DRC9: variants seen among roughly 807,000 people sequenced by gnomAD.
The protein encoded by DRC9 is dynein regulatory complex subunit 9, also known as dynein regulatory complex protein 9.
chr3:197,931,203 C>T, the DRC9 span, among the ~76,000 whole-genome samples: 40 of 151,334 alleles, frequency 2.6e-4, no homozygotes, highest in East Asian at 2.0e-3. Context: ...AGTTCCAGGC[C>T]GAGCGCGGTG....
the DRC9 span, among the ~76,000 whole-genome samples, chr3:197,915,010 G>A: frequency 4.6e-5 from 7 of 151,318 alleles, no homozygotes; most frequent in Admixed American, 4.0e-4. Context: ...CTAAAAATAC[G>A]AAAAATAGCT....
At chr3:197,924,036 T>G in the DRC9 span, among the ~76,000 whole-genome samples, 1 of 151,562 alleles carries the variant, frequency 6.6e-6, no homozygotes. Context: ...CCAGCCTGAG[T>G]GACAGAGTGA....
At chr3:197,939,919 T>C in the DRC9 span, among the ~76,000 whole-genome samples, 1 of 152,130 alleles carries the variant, frequency 6.6e-6, no homozygotes, top group African/African-American at 2.4e-5. Flanking sequence ...ATGGCCTGAT[T>C]TACTGATTAC....
At chr3:197,933,814 A>T in the DRC9 span, among the ~76,000 whole-genome samples, 2 of 150,560 alleles carry the variant, frequency 1.3e-5, no homozygotes, top group African/African-American at 4.9e-5. Flanking sequence ...TATTATTTTT[A>T]TTTCATTTTT....
At chr3:197,959,215 AG>A in the DRC9 span, 1 of 152,210 alleles carries the variant, frequency 6.6e-6, no homozygotes, top group African/African-American at 2.4e-5. Flanking sequence ...CAAAAAAAAA[AG>A]AAACAGCCTT....
At chr3:197,949,141 A>C in the DRC9 span, among the ~76,000 whole-genome samples, 5 of 152,046 alleles carry the variant, frequency 3.3e-5, no homozygotes, top group Non-Finnish European at 7.4e-5. Flanking sequence ...ATCTATTTTT[A>C]CTTGCTCATT....
At chr3:197,958,163 G>C in the DRC9 span, 1 of 152,316 alleles carries the variant, frequency 6.6e-6, no homozygotes, top group African/African-American at 2.4e-5. Flanking sequence ...GAACTTCTAG[G>C]CTCAGACAAT....
chr3:197,895,083 GAAC>G, the DRC9 span, among the ~76,000 whole-genome samples: 477 of 151,930 alleles, frequency 3.1e-3, 5 homozygotes, highest in African/African-American at 0.011. Flanking sequence ...GATTATGTTA[GAAC>G]AACATGTCAG....
At chr3:197,944,712 T>G in the DRC9 span, among the ~76,000 whole-genome samples, 1 of 152,056 alleles carries the variant, frequency 6.6e-6, no homozygotes. Context: ...CCTCCCAAAG[T>G]GCTGGGATTA....
chr3:197,899,162 C>T, the DRC9 span, among the ~76,000 whole-genome samples: 1 of 151,974 alleles, frequency 6.6e-6, no homozygotes, highest in Non-Finnish European at 1.5e-5. Flanking sequence ...CAAATAGCTC[C>T]AATTAAATAT....
chr3:197,956,881 T>C, the DRC9 span: 17 of 152,206 alleles, frequency 1.1e-4, no homozygotes, highest in African/African-American at 3.9e-4. Context: ...AGTCTTTTTG[T>C]CTGCCCCCTG....
At chr3:197,932,345 C>T in the DRC9 span, 2 of 1,566,188 alleles carry the variant, frequency 1.3e-6, no homozygotes, top group African/African-American at 1.4e-5. Context: ...TTAATAAATT[C>T]TATTTTCAGC....
the DRC9 span, chr3:197,958,458 T>G: frequency 6.6e-6 from 1 of 152,268 alleles, no homozygotes; most frequent in Non-Finnish European, 1.5e-5. Context: ...AATGGTGCAT[T>G]TACAAAGTTG....
the DRC9 span, chr3:197,954,329 GTTT>G: frequency 1.2e-5 from 8 of 675,914 alleles, no homozygotes; most frequent in East Asian, 2.2e-4. Context: ...TTGGTTGTTT[GTTT>G]TTTGTTTTTT....
the DRC9 span, among the ~76,000 whole-genome samples, chr3:197,939,374 A>T: frequency 6.6e-6 from 1 of 152,246 alleles, no homozygotes; most frequent in Admixed American, 6.5e-5. Context: ...TTTGAGGATC[A>T]TGGAGGGAAA....
At chr3:197,951,052 G>A in the DRC9 span, 1 of 1,605,418 alleles carries the variant, frequency 6.2e-7, no homozygotes, top group Admixed American at 1.7e-5. Context: ...AAATTGGCAA[G>A]AAAAAACTTA....
chr3:197,921,100 A>G, the DRC9 span, among the ~76,000 whole-genome samples: 101 of 137,060 alleles, frequency 7.4e-4, 13 homozygotes, highest in African/African-American at 3.0e-3. Context: ...CGGGGATTTC[A>G]CCTGATTTCA....
chr3:197,914,141 A>G, the DRC9 span: 1 of 977,880 alleles, frequency 1.0e-6, no homozygotes, highest in Non-Finnish European at 1.6e-6. Context: ...ATAAATCAAT[A>G]AGGAACTGGA....
At chr3:197,938,876 G>A in the DRC9 span, 1 of 881,150 alleles carries the variant, frequency 1.1e-6, no homozygotes, top group Non-Finnish European at 1.8e-6. Flanking sequence ...TATCTTCTCT[G>A]ACTTCTACTC....
Sources: gnomAD v4.1 joint callset for allele counts (sites outside exome capture counted in the v4.1 genomes callset) on GRCh38, gnomAD v4.1.1 for gene constraint, MANE v1.5 for transcripts, NCBI Gene and HGNC (gene_info 2026-07-23, HGNC 2026-07-21) for gene names.